RGS12: variants seen among roughly 807,000 people sequenced by gnomAD.
The protein encoded by RGS12 is regulator of G protein signaling 12.
In RGS12, 66 loss-of-function variants were observed where a neutral mutation model predicts 120.1. The ratio of observed to expected loss-of-function variants is 0.55; its 90% CI spans 0.45 to 0.67. The LOEUF (loss-of-function observed/expected upper bound fraction) is 0.67. RGS12 is among the 30% of genes least tolerant of loss of function. RGS12 has a pLI of 0.00. For missense variants in RGS12, 1,859 were observed against 1,957.7 expected, an observed-to-expected ratio of 0.95 and a Z score of 0.95; for synonymous variants, 827 against 804.7, an observed-to-expected ratio of 1.03 and a Z score of -0.47.
At chr4:3,323,267 T>C (rs1170676944) in intron 2 of RGS12, among the ~76,000 whole-genome samples, 1 of 152,208 alleles carries the variant, frequency 6.6e-6, no homozygotes, top group Non-Finnish European at 1.5e-5. Context: ...TGTTGGTGGG[T>C]GCTCATCATC....
intron 4 of RGS12, among the ~76,000 whole-genome samples, chr4:3,400,828 A>G (rs966345109): frequency 6.7e-6 from 1 of 149,440 alleles, no homozygotes; most frequent in Non-Finnish European, 1.5e-5. Context: ...TACTTAATAG[A>G]ATACATATAA....
At chr4:3,367,346 G>A (rs1363939486) in intron 3 of RGS12, among the ~76,000 whole-genome samples, 3 of 152,246 alleles carry the variant, frequency 2.0e-5, no homozygotes, top group East Asian at 1.9e-4. Context: ...TTCACGCCCC[G>A]TCCTGGTGAG....
chr4:3,380,502 C>T lies in RGS12; in HGVS notation c.1999-5914C>T, dbSNP rs192046790. On this transcript the variant is annotated intron_variant, in intron 3 of 17. Coordinates refer to ENST00000336727, the MANE Select transcript of RGS12 (RefSeq NM_001394154.1). ...ACATTTCCCTTTCACACTGCCCTAG[C>T]AGAGGTTCTGCACGAGGGCCCCACC... Among the ~76,000 whole-genome samples the T allele has an allele frequency of 7.2e-5, 11 of 152,354 alleles. No homozygotes were observed. In the East Asian group the frequency reaches 2.1e-3, roughly 29 times the overall value.
intron 1 of RGS12, among the ~76,000 whole-genome samples, chr4:3,315,830 C>T (rs1724701132): frequency 6.6e-6 from 1 of 152,200 alleles, no homozygotes; most frequent in Non-Finnish European, 1.5e-5. Flanking sequence ...CATCCTCACA[C>T]CCGTGGCAGG....
Position 3,430,585 on chromosome 4 carries a change from C to G in RGS12, c.3744C>G (p.Gly1248=). 6.2e-7 allele frequency: 1 copy of G among 1,612,682 alleles called. No individual in the cohort carries two copies. The highest frequency in any genetic ancestry group is 8.5e-7 in the Non-Finnish European group (1 of 1,179,868). The change falls in exon 17 of 18, where the codon GGC becomes GGG. Residue 1248 remains glycine (G), a synonymous_variant. Coordinates refer to ENST00000336727, the MANE Select transcript of RGS12 (RefSeq NM_001394154.1). ...GCTTTAGCAAGAGAAGCGCCACAGG[C>G]AACGGCCGGGAGAGCGCCTCCCAGC... ...AKGFSKRSAT[G]NGRESASQPG...
At chr4:3,309,924 CTGGAATGGCAGGTGTCCGCTGA>C (rs1560646325) in intron 1 of RGS12, among the ~76,000 whole-genome samples, 1 of 127,364 alleles carries the variant, frequency 7.9e-6, no homozygotes, top group Non-Finnish European at 1.7e-5. Flanking sequence ...AGCTGGGACC[CTGGAATGGCAGGTGTCCGCTGA>C]GGGGAACCGT....
chr4:3,431,680 G>C (rs767512506), intron 17 of RGS12: 675 of 985,642 alleles, frequency 6.8e-4, no homozygotes, highest in Non-Finnish European at 7.9e-4. Flanking sequence ...GGTGTTTCCA[G>C]GGGTCCGAGG....
At chr4:3,438,449 G>T (rs1725025492) in intron 17 of RGS12, among the ~76,000 whole-genome samples, 1 of 152,066 alleles carries the variant, frequency 6.6e-6, no homozygotes, top group South Asian at 2.1e-4. Flanking sequence ...GGGCGGGAAG[G>T]GCTGGGCTCT....
At chr4:3,431,297 C>T in intron 17 of RGS12, 1 of 1,149,480 alleles carries the variant, frequency 8.7e-7, no homozygotes, top group Non-Finnish European at 1.1e-6. Flanking sequence ...GCATTCCTTT[C>T]CAAATCTGGA....
At chr4:3,323,690 A>T (rs542746490) in intron 2 of RGS12, among the ~76,000 whole-genome samples, 3 of 152,282 alleles carry the variant, frequency 2.0e-5, no homozygotes, top group African/African-American at 7.2e-5. Context: ...AATAAGCTGG[A>T]TTGCAGTAAA....
chr4:3,390,262 G>A lies in RGS12; in HGVS notation c.2020+3825G>A, dbSNP rs529207554. ...CTGTCAATTTCCTGCCCGTGCTAGG[G>A]GCAGCTTCCATCATTTTAATTATTC... On this transcript the variant is annotated intron_variant, in intron 4 of 17. Transcript: ENST00000336727. This position sits in a 1 kb window ranked among gnomAD's most constrained non-coding sequence, Gnocchi z 4.6. Among the ~76,000 whole-genome samples, 42 of 152,210 alleles carry A rather than the reference G, an allele frequency of 2.8e-4. No homozygotes were observed. The highest frequency in any genetic ancestry group is 9.4e-4 in the African/African-American group (39 of 41,510).
intron 2 of RGS12, among the ~76,000 whole-genome samples, chr4:3,330,477 C>A (rs1213220708): frequency 6.6e-6 from 1 of 152,162 alleles, no homozygotes; most frequent in African/African-American, 2.4e-5. Flanking sequence ...AGAGAAGATA[C>A]CTGTACTAGA....
chr4:3,351,711 C>T (rs909490861), intron 3 of RGS12, among the ~76,000 whole-genome samples: 5 of 152,078 alleles, frequency 3.3e-5, no homozygotes, highest in African/African-American at 4.8e-5. Context: ...AATGGCTGTC[C>T]AGTGCTGCGT....
At chr4:3,309,646 G>A (rs796162390) in intron 1 of RGS12, among the ~76,000 whole-genome samples, 4,311 of 42,780 alleles carry the variant, frequency 0.1, 169 homozygotes, top group Admixed American at 0.14. Context: ...AACCGTGTGG[G>A]GGAGGAGCTG....
intron 2 of RGS12, among the ~76,000 whole-genome samples, chr4:3,330,629 A>G (rs1167394911): frequency 6.6e-6 from 1 of 152,250 alleles, no homozygotes; most frequent in African/African-American, 2.4e-5. Flanking sequence ...AGTAAAAAAA[A>G]TGTAGTATTT....
rs546062662 is a variant in RGS12 at position 3,336,329 on chromosome 4, A to G, written c.1882-6608A>G. Among the ~76,000 whole-genome samples, 36 of 151,958 alleles carry G rather than the reference A, an allele frequency of 2.4e-4. 1 individual carries two copies. The South Asian group carries it at 7.1e-3, about 30-fold the overall frequency. Reference sequence around the variant, plus strand: ...CCTTTCCATCCCTCAATACCAAGCTACCCCTTCTCTACATAGTACTCTCTG... The same window carrying G: ...CCTTTCCATCCCTCAATACCAAGCTGCCCCTTCTCTACATAGTACTCTCTG... On this transcript the variant is annotated intron_variant, in intron 2 of 17. Transcript: ENST00000336727.
At chr4:3,319,260 A>G (rs973504944) in intron 2 of RGS12, among the ~76,000 whole-genome samples, 12 of 152,192 alleles carry the variant, frequency 7.9e-5, no homozygotes, top group Non-Finnish European at 1.8e-4. Flanking sequence ...ACTGCACTCT[A>G]GCCTGGGTGA....
intron 3 of RGS12, among the ~76,000 whole-genome samples, chr4:3,351,519 G>T (rs1396464304): frequency 6.6e-6 from 1 of 151,996 alleles, no homozygotes; most frequent in Non-Finnish European, 1.5e-5. Context: ...CATAGATTTG[G>T]CATAATTTAT....
At chr4:3,417,309 C>G (rs368077697) in intron 8 of RGS12, 79 bp from the exon 9 acceptor site, 1 of 1,448,140 alleles carries the variant, frequency 6.9e-7, no homozygotes, top group African/African-American at 1.4e-5. Context: ...GTTTACAGCT[C>G]AGTATTGCCT....
Sources: gnomAD v4.1 joint callset for allele counts (sites outside exome capture counted in the v4.1 genomes callset) on GRCh38, gnomAD v4.1.1 for gene constraint, Gnocchi (gnomAD v3.1) non-coding constraint, MANE v1.5 for transcripts, NCBI Gene and HGNC (gene_info 2026-07-23, HGNC 2026-07-21) for gene names.